The following PSD3 variants were observed in gnomAD, a reference collection of about 807,000 sequenced individuals.
PSD3 encodes the protein PH and SEC7 domain-containing protein 3.
Under a neutral mutation model 105.5 loss-of-function variants are expected in PSD3, and 49 were observed. The observed-to-expected ratio is 0.46, with a 90% CI of 0.37 to 0.59. The LOEUF (loss-of-function observed/expected upper bound fraction) is 0.59, where lower values mean the gene tolerates loss of function less well. PSD3 is among the 20% of genes least tolerant of loss of function. The pLI is 0.00. For missense variants in PSD3, 1,561 were observed against 1,263.8 expected (o/e 1.24, Z -3.57); for synonymous variants, 557 against 457.8 (o/e 1.22, Z -2.77).
chr8:18,915,742 T>C (rs1380938526), intron 2 of PSD3, among the ~76,000 whole-genome samples: 1 of 152,070 alleles, frequency 6.6e-6, no homozygotes, highest in Non-Finnish European at 1.5e-5. Context: ...GCTGGAGCCA[T>C]GTGGGAAGAA....
intron 1 of PSD3, among the ~76,000 whole-genome samples, chr8:19,008,903 A>C (rs1459930481): frequency 1.3e-5 from 2 of 152,342 alleles, no homozygotes; most frequent in Admixed American, 1.3e-4. Flanking sequence ...GCCCCAGCTC[A>C]TGGGAAGAAA....
intron 11 of PSD3, among the ~76,000 whole-genome samples, chr8:18,603,861 C>T (rs1804616041): frequency 6.6e-6 from 1 of 152,186 alleles, no homozygotes; most frequent in South Asian, 2.1e-4. Context: ...TCAGCTATGA[C>T]TGTAAGTTTC....
intron 9 of PSD3, among the ~76,000 whole-genome samples, chr8:18,695,546 C>G (rs78416413): frequency 6.6e-6 from 1 of 151,964 alleles, no homozygotes; most frequent in Non-Finnish European, 1.5e-5. Context: ...CTGACACATA[C>G]GAAACAATAC....
chr8:18,916,438 G>C (rs376741232), intron 2 of PSD3, among the ~76,000 whole-genome samples: 2 of 145,222 alleles, frequency 1.4e-5, no homozygotes, highest in African/African-American at 5.1e-5. Flanking sequence ...GTGACAAAAC[G>C]GATAAACCTA....
At chr8:18,585,473 A>G (rs1309450378) in intron 12 of PSD3, among the ~76,000 whole-genome samples, 3 of 152,058 alleles carry the variant, frequency 2.0e-5, no homozygotes, top group Non-Finnish European at 4.4e-5. Context: ...AAGTACCACT[A>G]TGTCTGGCTA....
intron 4 of PSD3, among the ~76,000 whole-genome samples, chr8:18,854,883 T>C (rs111591798): frequency 1.3e-5 from 2 of 152,232 alleles, no homozygotes; most frequent in African/African-American, 4.8e-5. Flanking sequence ...AAAATATTTA[T>C]TGTCCTGTTG....
chr8:18,925,750 T>C (rs1821322523), intron 2 of PSD3, among the ~76,000 whole-genome samples: 1 of 152,128 alleles, frequency 6.6e-6, no homozygotes, highest in Non-Finnish European at 1.5e-5. Flanking sequence ...CAAAAACTAC[T>C]GTTAACGAGG....
rs553701409 is a variant in PSD3 at position 18,882,470 on chromosome 8, T to C, written c.131-9737A>G. 1.1e-4 allele frequency among the ~76,000 whole-genome samples: 16 copies of C among 152,230 alleles called. No homozygotes were observed. The South Asian group carries it at 3.1e-3, about 30-fold the overall frequency. The stretch of plus-strand genomic sequence containing the variant: ...AAAAGGGCAACAAACAAGAGCAACT[T>C]GGCCTCTGTCATCAAGGAGCTTACA... On this transcript the variant is annotated intron_variant, in intron 2 of 15. Transcript: ENST00000327040.
At chr8:18,660,455 T>C (rs1809265103) in intron 9 of PSD3, among the ~76,000 whole-genome samples, 1 of 152,188 alleles carries the variant, frequency 6.6e-6, no homozygotes, top group African/African-American at 2.4e-5. Context: ...AGGAAACTAA[T>C]ACTCTAGCGT....
intron 1 of PSD3, among the ~76,000 whole-genome samples, chr8:18,962,288 CTTG>C (rs1439938551): frequency 6.6e-6 from 1 of 151,978 alleles, no homozygotes; most frequent in Non-Finnish European, 1.5e-5. Context: ...TTCTTAAAAT[CTTG>C]TTGTAGACTA....
At chr8:18,951,317 G>A (rs1423401233) in intron 1 of PSD3, among the ~76,000 whole-genome samples, 11 of 152,064 alleles carry the variant, frequency 7.2e-5, no homozygotes, top group East Asian at 1.9e-4. Flanking sequence ...AGGGAGAATC[G>A]CTTGAGTCCA....
chr8:18,764,735 G>C (rs1378142563), intron 9 of PSD3, among the ~76,000 whole-genome samples: 1 of 151,978 alleles, frequency 6.6e-6, no homozygotes. Context: ...ACCTATACGT[G>C]TACTGTTTTT....
chr8:18,676,669 C>G (rs1800081466), intron 9 of PSD3, among the ~76,000 whole-genome samples: 1 of 152,194 alleles, frequency 6.6e-6, no homozygotes, highest in Admixed American at 6.5e-5. Flanking sequence ...CTATTACAAC[C>G]AGATATGCTG....
chr8:19,001,730 C>G (rs963355840), intron 1 of PSD3: 1 of 152,726 alleles, frequency 6.5e-6, no homozygotes, highest in African/African-American at 2.4e-5. Flanking sequence ...TTGGTGGAGG[C>G]AGCAGCCCCG....
At chr8:18,576,384 A>T (rs1372431543) in intron 12 of PSD3, among the ~76,000 whole-genome samples, 1 of 152,180 alleles carries the variant, frequency 6.6e-6, no homozygotes, top group Non-Finnish European at 1.5e-5. Context: ...CTCCCAGGAT[A>T]AGAAGTGCTA....
intron 8 of PSD3, among the ~76,000 whole-genome samples, chr8:18,792,708 C>A (rs147609793): frequency 3.7e-4 from 57 of 152,104 alleles, no homozygotes; most frequent in Middle Eastern, 3.4e-3. Context: ...AGAAATAGGA[C>A]CACTTTTACA....
intron 1 of PSD3, among the ~76,000 whole-genome samples, chr8:19,002,897 G>GA (rs1826478705): frequency 6.6e-6 from 1 of 151,980 alleles, no homozygotes; most frequent in Non-Finnish European, 1.5e-5. Context: ...TAGGGTACAA[G>GA]AAAGTCCAGT....
At chr8:19,052,364 C>T (rs1325941428) in intron 1 of PSD3, among the ~76,000 whole-genome samples, 5 of 150,974 alleles carry the variant, frequency 3.3e-5, no homozygotes, top group African/African-American at 1.2e-4. Flanking sequence ...CCCAGCTACT[C>T]AGGAGGCTGA....
intron 1 of PSD3, among the ~76,000 whole-genome samples, chr8:19,078,517 G>T (rs1829531571): frequency 6.6e-6 from 1 of 152,004 alleles, no homozygotes; most frequent in Admixed American, 6.6e-5. Flanking sequence ...GTGTTTCTGG[G>T]CATTGACTGG....
Sources: gnomAD v4.1 joint callset for allele counts (sites outside exome capture counted in the v4.1 genomes callset) on GRCh38, gnomAD v4.1.1 for gene constraint, MANE v1.5 for transcripts, NCBI Gene and HGNC (gene_info 2026-07-23, HGNC 2026-07-21) for gene names.